Variants in SCN7A observed in about 807,000 individuals in gnomAD.
SCN7A encodes sodium channel protein type 7 subunit alpha.
Under a neutral mutation model 155.2 loss-of-function variants are expected in SCN7A, and 138 were observed. The observed-to-expected ratio is 0.89, with a 90% CI of 0.77 to 1.02. The LOEUF (loss-of-function observed/expected upper bound fraction) is 1.02, where lower values mean the gene tolerates loss of function less well. SCN7A is among the 50% of genes least tolerant of loss of function. The pLI is 0.00. For synonymous variants in SCN7A, 693 were observed against 649.0 expected (o/e 1.07, Z -1.03); for missense variants, 2,058 against 1,986.6 (o/e 1.04, Z -0.68).
intron 20 of SCN7A, among the ~76,000 whole-genome samples, chr2:166,417,502 A>C (rs1003749741): frequency 6.6e-6 from 1 of 152,026 alleles, no homozygotes; most frequent in African/African-American, 2.4e-5. Flanking sequence ...ATTCAACTCT[A>C]GATATTCTTA....
intron 12 of SCN7A, 103 bp downstream of exon 12, chr2:166,447,506 TTTG>T: frequency 3.0e-6 from 2 of 658,422 alleles, no homozygotes; most frequent in Middle Eastern, 4.3e-4. Context: ...TTCTTAAATT[TTTG>T]TTATTACCAT....
rs1159399239 is a variant in SCN7A, at chr2:166,414,740, C to A, written c.3415-1619G>T. The A allele has an allele frequency of 2.2e-5, 3 of 135,892 alleles. No individual in the cohort carries two copies. In the East Asian group the frequency reaches 6.1e-4, roughly 28 times the overall value. 8.4% of individuals were successfully genotyped at this position (135,892 alleles called of 1,614,324 possible). A position where few individuals can be genotyped will look rare whatever the true frequency, so the allele number is the denominator to read the frequency against. On this transcript the variant is annotated intron_variant, in intron 21 of 25. Coordinates refer to ENST00000643258, the MANE Select transcript of SCN7A (RefSeq NM_002976.4). Reference sequence around the variant, plus strand: ...GCCACTATATATATATATATATAGACACACACACAAAATATATATAGAATA... The same window carrying A: ...GCCACTATATATATATATATATAGAAACACACACAAAATATATATAGAATA...
chr2:166,444,124 T>G (rs1702014010), intron 13 of SCN7A, among the ~76,000 whole-genome samples: 1 of 152,172 alleles, frequency 6.6e-6, no homozygotes, highest in Non-Finnish European at 1.5e-5. Context: ...ATTTGAAACT[T>G]CTAGCAGTTT....
chr2:166,441,180 G>T (rs1701951704), intron 15 of SCN7A: 1 of 452,164 alleles, frequency 2.2e-6, no homozygotes, highest in African/African-American at 2.0e-5. Context: ...ATCATTTTTT[G>T]TGTAAGACTT....
At chr2:166,413,975 GTA>G (rs1192967969) in intron 21 of SCN7A, among the ~76,000 whole-genome samples, 1 of 36,796 alleles carries the variant, frequency 2.7e-5, no homozygotes, top group Admixed American at 3.3e-4. Context: ...ATATATATGT[GTA>G]TGTGTATATA....
At chr2:166,466,633 T>A (rs1044201161) in intron 7 of SCN7A, among the ~76,000 whole-genome samples, 1 of 152,018 alleles carries the variant, frequency 6.6e-6, no homozygotes. Context: ...AGAATTACTA[T>A]TAAATTTTTT....
chr2:166,409,337 T>C (rs976510403), intron 25 of SCN7A, among the ~76,000 whole-genome samples: 3 of 151,966 alleles, frequency 2.0e-5, no homozygotes, highest in Non-Finnish European at 4.4e-5. Flanking sequence ...TTCTAAGACA[T>C]AAACGTCTTT....
At chr2:166,461,490 G>A (rs1031947910) in intron 10 of SCN7A, among the ~76,000 whole-genome samples, 1 of 152,048 alleles carries the variant, frequency 6.6e-6, no homozygotes, top group Admixed American at 6.5e-5. Context: ...TCTCATTACA[G>A]TAAGCCTTCT....
At chr2:166,415,303 C>A (rs1317318956) in intron 21 of SCN7A, among the ~76,000 whole-genome samples, 3 of 150,852 alleles carry the variant, frequency 2.0e-5, no homozygotes, top group African/African-American at 7.3e-5. Context: ...CGGCTCACTG[C>A]AACCTCCGCC....
At chr2:166,412,939 A>G in intron 22 of SCN7A, 129 bp downstream of exon 22, 1 of 870,366 alleles carries the variant, frequency 1.1e-6, no homozygotes, top group South Asian at 1.7e-5. Context: ...GAAGAATTTC[A>G]TTGCCAATGA....
At chr2:166,476,498 G>T (rs536629061) in intron 3 of SCN7A, among the ~76,000 whole-genome samples, 6 of 152,016 alleles carry the variant, frequency 3.9e-5, no homozygotes, top group African/African-American at 1.4e-4. Context: ...AGTCAGTCAG[G>T]TCATGCTGTT....
intron 12 of SCN7A, among the ~76,000 whole-genome samples, chr2:166,445,323 A>C (rs1486445462): frequency 6.7e-6 from 1 of 150,176 alleles, no homozygotes; most frequent in Non-Finnish European, 1.5e-5. Flanking sequence ...CAAAAGAAAG[A>C]AGGAAAAAAG....
At chr2:166,426,360 G>A (rs1443098248) in intron 18 of SCN7A, among the ~76,000 whole-genome samples, 1 of 152,024 alleles carries the variant, frequency 6.6e-6, no homozygotes, top group Non-Finnish European at 1.5e-5. Flanking sequence ...GCCCCCTAGC[G>A]GGTATTTGTG....
chr2:166,423,407 T>C lies in SCN7A; in HGVS notation c.2879A>G (p.Gln960Arg). The C allele has an allele frequency of 6.3e-7, 1 of 1,590,828 alleles. No homozygotes were observed. The highest frequency in any genetic ancestry group is 8.5e-7 in the Non-Finnish European group (1 of 1,170,122). The change falls in exon 19 of 26, where the codon CAG becomes CGG. Residue 960 changes from glutamine (Q) to arginine (R), a missense_variant. Physicochemically the swap from Gln to Arg is conservative, Grantham distance 43. Coordinates refer to ENST00000643258, the MANE Select transcript of SCN7A (RefSeq NM_002976.4). ...TAATAAAATTTTAATTGTCTTTCTC[T>C]GATCCATATATATATCTTCAAAAGC... is the stretch of plus-strand genomic sequence containing the variant. ...TLAFEDIYMD[Q>R]RKTIKILLEY... is the part of the protein sequence containing the mutation.
chr2:166,417,083 T>TA lies in SCN7A; in HGVS notation c.3136-99dup, dbSNP rs922450190. 2,442 of 898,432 alleles carry TA rather than the reference T, an allele frequency of 2.7e-3. 1 individual carries two copies. Among genetic ancestry groups the TA allele is most frequent in the South Asian group, 3.6e-3 (173 of 47,552 alleles). 55.7% of individuals were successfully genotyped at this position (898,432 alleles called of 1,614,324 possible). ...ATACTAATTGATAGAATAACATATTTAAAAAAAAACCTTAAAAGGCCATAT... is the reference window on the plus strand; with the variant it reads ...ATACTAATTGATAGAATAACATATTTAAAAAAAAAACCTTAAAAGGCCATAT... On this transcript the variant is annotated intron_variant, in intron 20 of 25. Coordinates refer to ENST00000643258, the MANE Select transcript of SCN7A (RefSeq NM_002976.4).
chr2:166,464,124 A>G (rs1269673744), intron 9 of SCN7A, among the ~76,000 whole-genome samples: 2 of 151,278 alleles, frequency 1.3e-5, no homozygotes, highest in Non-Finnish European at 2.9e-5. Flanking sequence ...ATGTGTATAT[A>G]TACGTATATA....
intron 21 of SCN7A, among the ~76,000 whole-genome samples, chr2:166,415,209 T>C (rs967985403): frequency 2.0e-5 from 3 of 148,180 alleles, no homozygotes; most frequent in Non-Finnish European, 4.5e-5. Context: ...AGAGACAGTA[T>C]TTAACTTTTG....
In SCN7A at chr2:166,459,195, A is replaced by G. The variant is rs139659490; in HGVS notation, c.1084-2119T>C. ...AAAAGCTCCCAAGATCTCACAGCCT[A>G]TGAAGGAATGCCTGAATTCAGAACT... On this transcript the variant is annotated intron_variant, in intron 10 of 25. Coordinates refer to ENST00000643258, the MANE Select transcript of SCN7A (RefSeq NM_002976.4). 4.8e-4 allele frequency among the ~76,000 whole-genome samples: 73 copies of G among 152,266 alleles called. No individual in the cohort carries two copies. The East Asian group carries it at 0.014, about 29-fold the overall frequency.
At chr2:166,466,867 T>C (rs766188137) in intron 7 of SCN7A, among the ~76,000 whole-genome samples, 5 of 152,142 alleles carry the variant, frequency 3.3e-5, no homozygotes, top group Middle Eastern at 6.8e-3. Context: ...CTACTTTCTA[T>C]CTTATTGTGA....
Sources: allele counts gnomAD v4.1 joint callset (sites outside exome capture counted in the v4.1 genomes callset), GRCh38; gene constraint gnomAD v4.1.1; transcripts MANE v1.5; gene names NCBI Gene and HGNC (gene_info 2026-07-23, HGNC 2026-07-21).